Variants in TAPBPL observed in about 807,000 individuals in gnomAD.
The protein encoded by TAPBPL is tapasin-related protein.
Under a neutral mutation model 44.8 loss-of-function variants are expected in TAPBPL, and 32 were observed. That is an observed-to-expected ratio of 0.71 (90% CI 0.54 to 0.96). TAPBPL has a LOEUF of 0.96. TAPBPL is among the 40% of genes least tolerant of loss of function. The probability of loss-of-function intolerance (pLI) is 0.00; values close to 1 mark genes in which losing one functional copy is unlikely to be tolerated. For missense variants in TAPBPL, 520 were observed against 586.6 expected (o/e 0.89, Z 1.17); for synonymous variants, 230 against 240.7 (o/e 0.96, Z 0.41).
At chr12:6,464,230 G>A, downstream of TAPBPL, 2 of 1,515,070 alleles carry the variant, frequency 1.3e-6, no homozygotes, top group South Asian at 1.2e-5. Context: ...AGAAAAAGCA[G>A]GCAGGGAGGA....
At chr12:6,454,944 CAGA>C (rs1450150124) in intron 3 of TAPBPL, among the ~76,000 whole-genome samples, 1 of 152,072 alleles carries the variant, frequency 6.6e-6, no homozygotes, top group Admixed American at 6.5e-5. Flanking sequence ...TGGAAAACCC[CAGA>C]ACACTCTAAC....
downstream of TAPBPL, chr12:6,463,503 A>T: frequency 9.6e-7 from 1 of 1,038,698 alleles, no homozygotes; most frequent in Non-Finnish European, 1.2e-6. The surrounding 1 kb of genome is among the most constrained non-coding windows in gnomAD (Gnocchi z 4.0). Flanking sequence ...CTTCATCAAC[A>T]GGAAGAGAGG....
downstream of TAPBPL, chr12:6,466,287 C>T: frequency 1.9e-6 from 3 of 1,614,188 alleles, no homozygotes; most frequent in Non-Finnish European, 2.5e-6. Context: ...GGAGGAGGGC[C>T]AGGGGGACCC....
At chr12:6,459,130 C>G (rs1949779297) in intron 5 of TAPBPL, among the ~76,000 whole-genome samples, 183 bp downstream of exon 5, 1 of 152,184 alleles carries the variant, frequency 6.6e-6, no homozygotes, top group Admixed American at 6.5e-5. Context: ...ACCACACATC[C>G]CCTGAGACTT....
In TAPBPL at chr12:6,453,065, A is replaced by G; in HGVS notation, c.65-2A>G. ...GGTGCTCACCCCAGCCTTTGTCTGCAGAGCCCCACCCAGCAGAGGGGCAGT... is the reference window on the plus strand; with the variant it reads ...GGTGCTCACCCCAGCCTTTGTCTGCGGAGCCCCACCCAGCAGAGGGGCAGT... On this transcript the variant is annotated splice_acceptor_variant, in intron 1 of 6. Transcript: ENST00000266556. LOFTEE classifies it high-confidence loss of function. This position sits in a 1 kb window ranked among gnomAD's most constrained non-coding sequence, Gnocchi z 4.8. The G allele has an allele frequency of 6.4e-7, 1 of 1,570,082 alleles. No individual in the cohort carries two copies. Among genetic ancestry groups the G allele is most frequent in the Non-Finnish European group, 8.6e-7 (1 of 1,157,980 alleles).
downstream of TAPBPL, chr12:6,464,537 G>A (rs371057949): frequency 3.6e-3 from 5,329 of 1,470,984 alleles, 17 homozygotes; most frequent in Non-Finnish European, 4.5e-3. Context: ...AGAGACAGGA[G>A]AAAACAAGAG....
chr12:6,460,231 T>C (rs1371519785), intron 5 of TAPBPL, among the ~76,000 whole-genome samples: 2 of 152,176 alleles, frequency 1.3e-5, no homozygotes, highest in Admixed American at 1.3e-4. Flanking sequence ...ATTTACAAAA[T>C]CCCAGTTAAC....
At chr12:6,457,290 C>T (rs912941263) in intron 3 of TAPBPL, 116 bp from the exon 4 acceptor site, 12 of 963,306 alleles carry the variant, frequency 1.2e-5, no homozygotes, top group Non-Finnish European at 1.5e-5. Flanking sequence ...TAAGCTCAAC[C>T]GGCCTGTCAG....
At chr12:6,458,623 T>G (rs1381321541) in intron 4 of TAPBPL, 22 bp from the exon 5 acceptor site, 2 of 1,610,934 alleles carry the variant, frequency 1.2e-6, no homozygotes, top group East Asian at 2.2e-5. Context: ...ATGTGTAATC[T>G]TATTCCTCAT....
chr12:6,456,834 G>T (rs1430270060), intron 3 of TAPBPL, among the ~76,000 whole-genome samples: 9 of 152,018 alleles, frequency 5.9e-5, no homozygotes, highest in African/African-American at 2.2e-4. Context: ...TGTGTTTTTA[G>T]TAGAGACAGG....
chr12:6,452,805 T>G (rs545212201), intron 1 of TAPBPL, among the ~76,000 whole-genome samples: 1 of 152,262 alleles, frequency 6.6e-6, no homozygotes, highest in African/African-American at 2.4e-5. Context: ...TATTCAACAG[T>G]TGGAAATGCA....
rs764186579 is a variant in TAPBPL, at chr12:6,453,440, T to C, written c.296-7T>C. 13 of 1,613,886 alleles carry C rather than the reference T, an allele frequency of 8.1e-6. No homozygotes were observed. The highest frequency in any genetic ancestry group is 1.7e-4 in the Middle Eastern group (1 of 6,060). ...TTGCCCTCTGTGTGTGCCCTGCTTC[T>C]CCCCAGTGGACCTGGTCCAGATTCC... On this transcript the variant is annotated splice_region_variant and splice_polypyrimidine_tract_variant and intron_variant, in intron 2 of 6. Transcript: ENST00000266556. The surrounding 1 kb of genome is among the most constrained non-coding windows in gnomAD (Gnocchi z 4.8).
downstream of TAPBPL, among the ~76,000 whole-genome samples, chr12:6,469,733 G>A (rs1432269623): frequency 1.3e-5 from 2 of 152,176 alleles, no homozygotes; most frequent in African/African-American, 4.8e-5. Flanking sequence ...TGACAGAGAA[G>A]TACTTCGTTT....
At chr12:6,464,716 AAG>A, downstream of TAPBPL, 2 of 1,510,720 alleles carry the variant, frequency 1.3e-6, no homozygotes, top group Non-Finnish European at 1.8e-6. Flanking sequence ...TTGTCCATCA[AAG>A]AAATCCCTTG....
Position 6,453,412 on chromosome 12 carries a change from A to T in TAPBPL, c.296-35A>T. Reference sequence around the variant, plus strand: ...CCGTTGGCCCTGGTGTTCTCACGCTAATTTGCCCTCTGTGTGTGCCCTGCT... The same window carrying T: ...CCGTTGGCCCTGGTGTTCTCACGCTTATTTGCCCTCTGTGTGTGCCCTGCT... On this transcript the variant is annotated intron_variant, in intron 2 of 6. Coordinates refer to ENST00000266556, the MANE Select transcript of TAPBPL (RefSeq NM_018009.5). This position sits in a 1 kb window ranked among gnomAD's most constrained non-coding sequence, Gnocchi z 4.8. The T allele has an allele frequency of 6.2e-7, 1 of 1,612,012 alleles. No homozygotes were observed. Among genetic ancestry groups the T allele is most frequent in the Non-Finnish European group, 8.5e-7 (1 of 1,178,734 alleles).
Position 6,453,800 on chromosome 12 carries a change from C to T in TAPBPL, c.565+84C>T, listed in dbSNP as rs1315150283. ...TGGGATACCGAGGTCGGTGGATCAC[C>T]TGAGGTCAGGAGTTTGAGATCAGCC... On this transcript the variant is annotated intron_variant, in intron 3 of 6. Transcript: ENST00000266556. The surrounding 1 kb of genome is among the most constrained non-coding windows in gnomAD (Gnocchi z 4.8). 2.1e-5 allele frequency: 31 copies of T among 1,444,044 alleles called. No individual in the cohort carries two copies. The highest frequency in any genetic ancestry group is 2.7e-5 in the Non-Finnish European group (30 of 1,098,480). 89.5% of individuals were successfully genotyped at this position (1,444,044 alleles called of 1,614,324 possible). A position where few individuals can be genotyped will look rare whatever the true frequency, so the allele number is the denominator to read the frequency against.
downstream of TAPBPL, chr12:6,463,100 C>T (rs147923947): frequency 6.9e-4 from 1,051 of 1,519,572 alleles, 8 homozygotes; most frequent in African/African-American, 0.013. The surrounding 1 kb of genome is among the most constrained non-coding windows in gnomAD (Gnocchi z 4.0). Context: ...CAGCAATTGC[C>T]CCGAAGATAG....
chr12:6,465,358 G>GTA (rs10623425), downstream of TAPBPL: 15,244 of 146,736 alleles, frequency 0.1, 2,098 homozygotes, highest in Non-Finnish European at 0.13. Flanking sequence ...AAAGAAAAAA[G>GTA]TATATATATA....
intron 6 of TAPBPL, chr12:6,461,278 T>G (rs1319749422): frequency 8.6e-7 from 1 of 1,158,924 alleles, no homozygotes; most frequent in African/African-American, 1.6e-5. Context: ...CAGAGGCCTC[T>G]GCCTTCCTTC....
Sources: allele counts gnomAD v4.1 joint callset (sites outside exome capture counted in the v4.1 genomes callset), GRCh38; gene constraint gnomAD v4.1.1; non-coding constraint Gnocchi (gnomAD v3.1); transcripts MANE v1.5; gene names NCBI Gene and HGNC (gene_info 2026-07-23, HGNC 2026-07-21).